Variants in PREX2 observed in about 807,000 individuals in gnomAD.
PREX2 encodes the protein phosphatidylinositol 3,4,5-trisphosphate-dependent Rac exchanger 2 protein.
Under a neutral mutation model 203.2 loss-of-function variants are expected in PREX2, and 107 were observed. That is an observed-to-expected ratio of 0.53 (90% CI 0.45 to 0.62). PREX2 has a LOEUF of 0.62. Among genes scored for constraint, PREX2 ranks in the 20% least tolerant of loss-of-function variants. PREX2 has a pLI of 0.00. For synonymous variants in PREX2, 672 were observed against 663.6 expected (o/e 1.01, Z -0.19); for missense variants, 1,777 against 1,955.9 (o/e 0.91, Z 1.72).
chr8:68,077,344 C>A, intron 14 of PREX2, 53 bp from the exon 15 acceptor site: 3 of 1,299,978 alleles, frequency 2.3e-6, no homozygotes, highest in Non-Finnish European at 3.4e-6. Flanking sequence ...AGCAAAGCTG[C>A]CACAAAGCCT....
At chr8:68,161,418 C>A (rs1357835344) in intron 35 of PREX2, among the ~76,000 whole-genome samples, 1 of 152,074 alleles carries the variant, frequency 6.6e-6, no homozygotes, top group Non-Finnish European at 1.5e-5. Flanking sequence ...GAGAGCAGAA[C>A]AATGCTCTAA....
Position 68,055,893 on chromosome 8 carries a change from A to T in PREX2, c.1157A>T (p.Tyr386Phe), listed in dbSNP as rs1808663835. 2 of 1,613,530 alleles carry T rather than the reference A, an allele frequency of 1.2e-6. No homozygotes were observed. Among genetic ancestry groups the T allele is most frequent in the Non-Finnish European group, 1.7e-6 (2 of 1,179,480 alleles). The change falls in exon 10 of 40, where the codon TAT (tyrosine) becomes TTT (phenylalanine). Residue 386 changes from tyrosine (Y) to phenylalanine (F), a missense_variant. Physicochemically the swap from Tyr to Phe is conservative, Grantham distance 22. Coordinates refer to ENST00000288368, the MANE Select transcript of PREX2 (RefSeq NM_024870.4). ...ATCTCTGAACAGGGTGAGAAACTTT[A>T]TAAAATGATGTGCAGACAAGGAAAT... is the stretch of plus-strand genomic sequence containing the variant. ...VMISEQGEKL[Y>F]KMMCRQGNLI...
chr8:68,132,316 A>G (rs945873345), intron 31 of PREX2, among the ~76,000 whole-genome samples: 1 of 151,678 alleles, frequency 6.6e-6, no homozygotes, highest in African/African-American at 2.4e-5. Context: ...TAGAGATTTT[A>G]TAGTTATCTA....
intron 15 of PREX2, among the ~76,000 whole-genome samples, chr8:68,078,261 G>A (rs1181839834): frequency 6.6e-6 from 1 of 152,118 alleles, no homozygotes; most frequent in Non-Finnish European, 1.5e-5. Flanking sequence ...TGCCTCGTGG[G>A]TTGAAGCGAT....
rs2129610406 is a variant in PREX2 at position 68,027,236 on chromosome 8, T to G, written c.456T>G (p.Leu152=). 6.2e-7 allele frequency: 1 copy of G among 1,611,456 alleles called. No individual in the cohort carries two copies. Among genetic ancestry groups the G allele is most frequent in the Middle Eastern group, 1.7e-4 (1 of 6,038 alleles). The change falls in exon 5 of 40, where the codon CTT becomes CTG. Residue 152 remains leucine (L), a synonymous_variant. Transcript: ENST00000288368. ...TTTCACCCCAGAACTGCATGCTGCTTGGAGGACGGAAGAACACAGATGTTC... is the reference window on the plus strand; with the variant it reads ...TTTCACCCCAGAACTGCATGCTGCTGGGAGGACGGAAGAACACAGATGTTC... ...IRTFLLNCML[L]GGRKNTDVPL...
intron 1 of PREX2, among the ~76,000 whole-genome samples, chr8:67,971,428 T>G (rs1472061338): frequency 6.6e-6 from 1 of 152,116 alleles, no homozygotes; most frequent in African/African-American, 2.4e-5. Context: ...TTGCTATTTT[T>G]AAAAAGCTCC....
At chr8:68,212,586 A>T (rs974629084) in intron 37 of PREX2, among the ~76,000 whole-genome samples, 2 of 152,232 alleles carry the variant, frequency 1.3e-5, no homozygotes, top group African/African-American at 4.8e-5. Flanking sequence ...GCATTATAAA[A>T]TCCACAAAAC....
chr8:68,221,919 G>GT (rs1207415946), intron 38 of PREX2, among the ~76,000 whole-genome samples: 5 of 152,096 alleles, frequency 3.3e-5, no homozygotes, highest in Non-Finnish European at 7.4e-5. Context: ...TAATTTATGT[G>GT]TTACTAAGAA....
At chr8:68,211,000 T>C (rs1812732202) in intron 37 of PREX2, among the ~76,000 whole-genome samples, 1 of 152,168 alleles carries the variant, frequency 6.6e-6, no homozygotes, top group Admixed American at 6.5e-5. Context: ...AAACGAAGCT[T>C]TGTCTCTCTT....
intron 29 of PREX2, 88 bp from the exon 30 acceptor site, chr8:68,120,833 A>G (rs898475045): frequency 1.2e-5 from 13 of 1,113,308 alleles, no homozygotes; most frequent in Non-Finnish European, 1.5e-5. Context: ...GTCTAGGACA[A>G]CAGTGACAGA....
rs1417723057 is a variant in PREX2 at position 68,108,225 on chromosome 8, A to G, written c.2832A>G (p.Glu944=). The G allele has an allele frequency of 6.2e-7, 1 of 1,613,998 alleles. No homozygotes were observed. Among genetic ancestry groups the G allele is most frequent in the Non-Finnish European group, 8.5e-7 (1 of 1,179,896 alleles). Reference sequence around the variant, plus strand: ...CCAACTGCCATGTCAATGTGATGGAAGTTTCTTATCCCAAAACATCAACCT... The same window carrying G: ...CCAACTGCCATGTCAATGTGATGGAGGTTTCTTATCCCAAAACATCAACCT... ...CPTNCHVNVM[E]VSYPKTSTSL... The change falls in exon 24 of 40, where the codon GAA becomes GAG. Residue 944 remains glutamate, a synonymous_variant. Coordinates refer to ENST00000288368, the MANE Select transcript of PREX2 (RefSeq NM_024870.4).
At chr8:68,060,617 A>G (rs1207814929) in intron 10 of PREX2, 62 bp from the exon 11 acceptor site, 5 of 1,063,754 alleles carry the variant, frequency 4.7e-6, no homozygotes, top group Non-Finnish European at 2.9e-6. Flanking sequence ...ACTGGATGGT[A>G]TAGAAAGACT....
At position 68,087,772 on chromosome 8, in the gene PREX2, G is replaced by C; in HGVS notation, c.2076G>C (p.Arg692=). The change falls in exon 19 of 40, where the codon CGG becomes CGC. Residue 692 remains arginine (R), a synonymous_variant. Coordinates refer to ENST00000288368, the MANE Select transcript of PREX2 (RefSeq NM_024870.4). ...CTGATGGACTTGGCTTCCAGATCCG[G>C]GGATTTGGCCCTTCTGTTGTGCATG... ...DSADGLGFQI[R]GFGPSVVHAV... The C allele has an allele frequency of 1.3e-5, 21 of 1,613,824 alleles. No individual in the cohort carries two copies. The highest frequency in any genetic ancestry group is 1.8e-5 in the Non-Finnish European group (21 of 1,179,768).
In PREX2 at chr8:68,099,811, C is replaced by T; in HGVS notation, c.2683C>T (p.His895Tyr). Residue 895 changes from histidine (H) to tyrosine (Y), a missense_variant, in exon 23 of 40, where the codon CAC (histidine) becomes TAC (tyrosine). Coordinates refer to ENST00000288368, the MANE Select transcript of PREX2 (RefSeq NM_024870.4). ...TGCCCTTTGCAGTGAAAGAATTGAA[C>T]ACCTATGTCAGAGAATATCCAGTTA... ...FSALCSERIE[H>Y]LCQRISSYKK... 1.2e-5 allele frequency: 19 copies of T among 1,611,896 alleles called. No homozygotes were observed. The highest frequency in any genetic ancestry group is 1.6e-5 in the Non-Finnish European group (19 of 1,178,080).
At chr8:68,050,589 C>T (rs1005439860) in intron 8 of PREX2, among the ~76,000 whole-genome samples, 7 of 152,194 alleles carry the variant, frequency 4.6e-5, no homozygotes, top group African/African-American at 1.7e-4. Flanking sequence ...TGTGCAGGAA[C>T]ACAGACCCAA....
At chr8:67,967,149 G>A (rs138060754) in intron 1 of PREX2, among the ~76,000 whole-genome samples, 3 of 152,240 alleles carry the variant, frequency 2.0e-5, no homozygotes, top group African/African-American at 7.2e-5. Flanking sequence ...AACCTTAACA[G>A]GCAATATCCA....
chr8:68,046,352 G>T (rs895231495), intron 8 of PREX2, among the ~76,000 whole-genome samples: 16 of 152,036 alleles, frequency 1.1e-4, no homozygotes, highest in African/African-American at 3.6e-4. Context: ...AAGAGCCCAG[G>T]ACCTTTGGAG....
Position 68,123,776 on chromosome 8 carries a change from T to A in PREX2, c.3724+2727T>A, listed in dbSNP as rs1810826825. 2.0e-5 allele frequency among the ~76,000 whole-genome samples: 3 copies of A among 150,168 alleles called. No homozygotes were observed. The South Asian group carries it at 6.3e-4, about 31-fold the overall frequency. On this transcript the variant is annotated intron_variant, in intron 30 of 39. Coordinates refer to ENST00000288368, the MANE Select transcript of PREX2 (RefSeq NM_024870.4). Reference sequence around the variant, plus strand: ...AAAGTTGAATCAGTAATAAATAGCCTGCCAACCAAAAAAAAAAGCCTGGAA... The same window carrying A: ...AAAGTTGAATCAGTAATAAATAGCCAGCCAACCAAAAAAAAAAGCCTGGAA...
At chr8:68,059,844 A>G (rs1359987565) in intron 10 of PREX2, among the ~76,000 whole-genome samples, 1 of 152,192 alleles carries the variant, frequency 6.6e-6, no homozygotes, top group Non-Finnish European at 1.5e-5. Context: ...GGTTGCTCTC[A>G]GCTTCTGCAG....
Sources: gnomAD v4.1 joint callset for allele counts (sites outside exome capture counted in the v4.1 genomes callset) on GRCh38, gnomAD v4.1.1 for gene constraint, MANE v1.5 for transcripts, NCBI Gene and HGNC (gene_info 2026-07-23, HGNC 2026-07-21) for gene names.